Variants in RAB7A observed in about 807,000 individuals in gnomAD.
The protein encoded by RAB7A is ras-related protein Rab-7a.
RAB7A carries 2 observed loss-of-function variants against 24.5 expected under a neutral mutation model. The observed-to-expected ratio is 0.08, with a 90% confidence interval of 0.03 to 0.26. RAB7A has a LOEUF of 0.26. RAB7A is among the 10% of genes least tolerant of loss of function. The pLI is 1.00. For missense variants in RAB7A, 118 were observed against 255.7 expected, an observed-to-expected ratio of 0.46 and a Z score of 3.67; for synonymous variants, 100 against 95.9, an observed-to-expected ratio of 1.04 and a Z score of -0.25.
At chr3:128,746,850 C>A (rs923903584) in intron 1 of RAB7A, among the ~76,000 whole-genome samples, 1 of 151,356 alleles carries the variant, frequency 6.6e-6, no homozygotes, top group Non-Finnish European at 1.5e-5. Context: ...TTTTAAGATT[C>A]AACACATTGG....
chr3:128,748,114 C>G (rs1220782747), intron 1 of RAB7A, among the ~76,000 whole-genome samples: 1 of 152,200 alleles, frequency 6.6e-6, no homozygotes, highest in Non-Finnish European at 1.5e-5. Context: ...CTAGAGGCCC[C>G]CTACTGGCCC....
chr3:128,768,561 T>G (rs2070854294), intron 1 of RAB7A, among the ~76,000 whole-genome samples: 1 of 152,004 alleles, frequency 6.6e-6, no homozygotes, highest in South Asian at 2.1e-4. Flanking sequence ...TTTTGTTTTG[T>G]TTTGTTTTGT....
chr3:128,741,194 A>G (rs928769965), intron 1 of RAB7A, among the ~76,000 whole-genome samples: 3 of 152,052 alleles, frequency 2.0e-5, no homozygotes, highest in Non-Finnish European at 4.4e-5. Flanking sequence ...TAAACTTTAT[A>G]TGGCAAGAAT....
intron 1 of RAB7A, among the ~76,000 whole-genome samples, chr3:128,753,654 C>T (rs2070706930): frequency 6.6e-6 from 1 of 152,160 alleles, no homozygotes; most frequent in South Asian, 2.1e-4. Flanking sequence ...TGATAAGTTG[C>T]CCTCTGCTTT....
intron 1 of RAB7A, among the ~76,000 whole-genome samples, chr3:128,771,349 G>A (rs932779993): frequency 3.3e-5 from 5 of 152,176 alleles, no homozygotes; most frequent in African/African-American, 9.7e-5. Context: ...ACTAAAGTAG[G>A]TTCTGTAATT....
chr3:128,791,235 G>A (rs1041985393), intron 1 of RAB7A, among the ~76,000 whole-genome samples: 2 of 152,090 alleles, frequency 1.3e-5, no homozygotes, highest in African/African-American at 4.8e-5. Flanking sequence ...TCCGCCTCCT[G>A]AGTTCAAGCG....
At chr3:128,789,292 A>G (rs1933404188) in intron 1 of RAB7A, among the ~76,000 whole-genome samples, 1 of 149,212 alleles carries the variant, frequency 6.7e-6, no homozygotes, top group Admixed American at 6.6e-5. Flanking sequence ...GCTTTAGAGA[A>G]CTGTTTTCCA....
At chr3:128,748,165 G>C (rs1413605605) in intron 1 of RAB7A, among the ~76,000 whole-genome samples, 1 of 152,230 alleles carries the variant, frequency 6.6e-6, no homozygotes, top group African/African-American at 2.4e-5. Flanking sequence ...CACATCATCT[G>C]GTCGCTCAGC....
At chr3:128,791,420 C>T (rs6771279) in intron 1 of RAB7A, among the ~76,000 whole-genome samples, 5 of 152,174 alleles carry the variant, frequency 3.3e-5, no homozygotes, top group East Asian at 3.8e-4. Flanking sequence ...GGATTATAGG[C>T]GTGAGCCACC....
intron 1 of RAB7A, among the ~76,000 whole-genome samples, chr3:128,745,055 T>C (rs2107588128): frequency 6.6e-6 from 1 of 152,108 alleles, no homozygotes; most frequent in Non-Finnish European, 1.5e-5. Context: ...TTTGTATTTT[T>C]AGTAGAGACA....
At chr3:128,727,198 G>A (rs561385169) in intron 1 of RAB7A, among the ~76,000 whole-genome samples, 67 of 152,188 alleles carry the variant, frequency 4.4e-4, no homozygotes, top group Non-Finnish European at 6.8e-4. Context: ...ATTATGTTTA[G>A]TTCTTTGAAC....
At chr3:128,800,518 C>T (rs576068581) in intron 3 of RAB7A, among the ~76,000 whole-genome samples, 19 of 152,186 alleles carry the variant, frequency 1.2e-4, no homozygotes, top group African/African-American at 1.9e-4. Context: ...AGATCCACAG[C>T]GCACTGTGGG....
chr3:128,785,255 G>T (rs1429157252), intron 1 of RAB7A: 1 of 152,100 alleles, frequency 6.6e-6, no homozygotes, highest in Non-Finnish European at 1.5e-5. Flanking sequence ...CCAATTGGGT[G>T]TCTGCATTAA....
At chr3:128,790,827 G>A (rs1933439058) in intron 1 of RAB7A, among the ~76,000 whole-genome samples, 1 of 152,140 alleles carries the variant, frequency 6.6e-6, no homozygotes, top group South Asian at 2.1e-4. Flanking sequence ...GACATTTCTT[G>A]TGTATTTATT....
At chr3:128,764,861 C>T (rs2070812992) in intron 1 of RAB7A, 2 of 1,213,692 alleles carry the variant, frequency 1.6e-6, no homozygotes, top group Admixed American at 3.4e-5. Context: ...AAGTATGTGG[C>T]AAAGTTCCTC....
At chr3:128,779,502 G>A (rs1933170985) in intron 1 of RAB7A, among the ~76,000 whole-genome samples, 6 of 146,898 alleles carry the variant, frequency 4.1e-5, no homozygotes, top group Admixed American at 2.8e-4. Context: ...ACATAGAATT[G>A]TAACCATAAG....
At chr3:128,804,114 G>GCCCCC (rs200546571) in intron 3 of RAB7A, among the ~76,000 whole-genome samples, 3 of 146,966 alleles carry the variant, frequency 2.0e-5, no homozygotes, top group Admixed American at 6.8e-5. Flanking sequence ...ACCTCCCTGG[G>GCCCCC]CCCCCCCCCG....
At chr3:128,736,767 G>A (rs1450708992) in intron 1 of RAB7A, among the ~76,000 whole-genome samples, 1 of 152,154 alleles carries the variant, frequency 6.6e-6, no homozygotes, top group East Asian at 1.9e-4. Context: ...TCTGCTTAGG[G>A]TTCATTGGCC....
chr3:128,800,155 G>T (rs1278977854), intron 3 of RAB7A, among the ~76,000 whole-genome samples: 1 of 152,064 alleles, frequency 6.6e-6, no homozygotes, highest in Non-Finnish European at 1.5e-5. Context: ...AATTGTAGAA[G>T]ACCGAAAAGC....
Sources: gnomAD v4.1 joint callset for allele counts (sites outside exome capture counted in the v4.1 genomes callset) on GRCh38, gnomAD v4.1.1 for gene constraint, MANE v1.5 for transcripts, NCBI Gene and HGNC (gene_info 2026-07-23, HGNC 2026-07-21) for gene names.